ESRRG: variants seen among roughly 807,000 people sequenced by gnomAD.
ESRRG encodes the protein estrogen related receptor gamma.
In ESRRG, 13 loss-of-function variants were observed where a neutral mutation model predicts 44.0. That is an observed-to-expected ratio of 0.30 (90% CI 0.19 to 0.47). The LOEUF is 0.47. Among genes scored for constraint, ESRRG ranks in the 20% least tolerant of loss-of-function variants. ESRRG has a pLI of 1.00. For missense variants in ESRRG, 395 were observed against 580.6 expected (o/e 0.68, Z 3.29); for synonymous variants, 215 against 214.6 (o/e 1.00, Z -0.02).
At chr1:216,937,118 GA>G (rs199572679) in intron 2 of ESRRG, among the ~76,000 whole-genome samples, 46 of 141,034 alleles carry the variant, frequency 3.3e-4, no homozygotes, top group African/African-American at 1.0e-3. Flanking sequence ...AACAAAAAAA[GA>G]AAAAAAAAAC....
At chr1:216,824,200 A>G (rs900361767) in intron 2 of ESRRG, among the ~76,000 whole-genome samples, 3 of 152,124 alleles carry the variant, frequency 2.0e-5, no homozygotes, top group Admixed American at 2.0e-4. Flanking sequence ...TAATCCCAGC[A>G]CTTTGAGAGG....
intron 6 of ESRRG, among the ~76,000 whole-genome samples, chr1:216,514,901 C>T (rs577542054): frequency 1.5e-4 from 23 of 151,842 alleles, no homozygotes; most frequent in Admixed American, 2.0e-4. Context: ...TCCAGAATAT[C>T]AAATCAACTA....
chr1:216,545,434 C>T (rs72735184), intron 5 of ESRRG, among the ~76,000 whole-genome samples: 10,965 of 151,774 alleles, frequency 0.072, 580 homozygotes, highest in East Asian at 0.2. Flanking sequence ...CCAATGCATA[C>T]GTTCTAAAAA....
intron 1 of ESRRG, among the ~76,000 whole-genome samples, chr1:217,113,265 C>T (rs539309422): frequency 3.3e-5 from 5 of 152,176 alleles, no homozygotes; most frequent in Middle Eastern, 3.4e-3. Flanking sequence ...AGAGTAGTTC[C>T]AAGACAGTTA....
rs576789395 is a variant in ESRRG at position 217,057,981 on chromosome 1, A to G, written c.-106+31526T>C. On this transcript the variant is annotated intron_variant, in intron 1 of 7. Coordinates refer to the ESRRG transcript ENST00000359162. ...TGAACATAGGCAAAGAAAATTGAAC[A>G]TATGGATAACCAGAGATTATAAGTA... Among the ~76,000 whole-genome samples, 8 of 152,314 alleles carry G rather than the reference A, an allele frequency of 5.3e-5. No homozygotes were observed. In the South Asian group the frequency reaches 1.7e-3, roughly 32 times the overall value.
At chr1:216,989,931 G>A (rs1273050963) in intron 1 of ESRRG, among the ~76,000 whole-genome samples, 1 of 152,166 alleles carries the variant, frequency 6.6e-6, no homozygotes, top group Non-Finnish European at 1.5e-5. Flanking sequence ...AATGAACAGT[G>A]TGCATGGGGG....
chr1:217,054,325 A>G (rs2086672646), intron 1 of ESRRG, among the ~76,000 whole-genome samples: 2 of 152,178 alleles, frequency 1.3e-5, no homozygotes, highest in African/African-American at 4.8e-5. Context: ...GAAACCACAC[A>G]CTTCTCCAAG....
chr1:216,561,567 C>A (rs997302023), intron 5 of ESRRG, among the ~76,000 whole-genome samples: 27 of 152,226 alleles, frequency 1.8e-4, no homozygotes, highest in African/African-American at 6.3e-4. Context: ...GCCTTTACTT[C>A]CCTGTCTCTC....
chr1:216,866,241 A>G (rs1278947026), intron 2 of ESRRG, among the ~76,000 whole-genome samples: 1 of 152,200 alleles, frequency 6.6e-6, no homozygotes, highest in East Asian at 1.9e-4. Context: ...ACATACATAC[A>G]CACATTTTAT....
chr1:216,720,656 C>CT (rs2086050773), intron 1 of ESRRG, among the ~76,000 whole-genome samples: 1 of 151,846 alleles, frequency 6.6e-6, no homozygotes, highest in Non-Finnish European at 1.5e-5. Flanking sequence ...TTGGGATTGT[C>CT]TTGTTTTTTA....
intron 5 of ESRRG, among the ~76,000 whole-genome samples, chr1:216,525,604 G>A (rs1241444473): frequency 6.6e-6 from 1 of 152,102 alleles, no homozygotes; most frequent in Non-Finnish European, 1.5e-5. Flanking sequence ...CTGGAAAGCA[G>A]ACTGACTGAA....
At chr1:217,091,526 A>G (rs1473457649), upstream of ESRRG, among the ~76,000 whole-genome samples, 1 of 152,262 alleles carries the variant, frequency 6.6e-6, no homozygotes, top group Non-Finnish European at 1.5e-5. Context: ...GTAATTATGC[A>G]GAGACCAGAT....
chr1:216,540,851 T>C (rs1021890017), intron 5 of ESRRG, among the ~76,000 whole-genome samples: 4 of 152,076 alleles, frequency 2.6e-5, no homozygotes, highest in Non-Finnish European at 5.9e-5. Flanking sequence ...TATTTTTCAC[T>C]ACTTAAAATT....
chr1:216,747,667 G>T (rs576218418), intron 2 of ESRRG, among the ~76,000 whole-genome samples: 2 of 152,222 alleles, frequency 1.3e-5, no homozygotes, highest in African/African-American at 4.8e-5. Context: ...TATAATTCTG[G>T]TTCTGCTGTG....
intron 1 of ESRRG, among the ~76,000 whole-genome samples, chr1:217,130,089 A>C (rs1196125420): frequency 6.6e-6 from 1 of 152,234 alleles, no homozygotes; most frequent in Non-Finnish European, 1.5e-5. Context: ...AATGATTTTA[A>C]GGAGTGGAAT....
intron 2 of ESRRG, among the ~76,000 whole-genome samples, chr1:216,762,734 A>ATAAG (rs1307752640): frequency 6.6e-6 from 1 of 151,908 alleles, no homozygotes; most frequent in Non-Finnish European, 1.5e-5. Context: ...AAATAAATAA[A>ATAAG]AAGAATGAGC....
intron 3 of ESRRG, among the ~76,000 whole-genome samples, chr1:216,598,979 T>C (rs2058817821): frequency 2.0e-5 from 3 of 152,094 alleles, no homozygotes; most frequent in Admixed American, 2.0e-4. Context: ...TAAAATAATA[T>C]GTTATAAATT....
chr1:216,972,842 G>A (rs147785501), intron 1 of ESRRG, among the ~76,000 whole-genome samples: 85 of 152,290 alleles, frequency 5.6e-4, no homozygotes, highest in Non-Finnish European at 5.3e-4. Context: ...GTGCAGGTGC[G>A]TGTAAAAGTT....
intron 1 of ESRRG, among the ~76,000 whole-genome samples, chr1:217,073,162 T>A (rs1390776316): frequency 7.8e-6 from 1 of 128,548 alleles, no homozygotes; most frequent in African/African-American, 3.1e-5. Flanking sequence ...TCTCTAGAGA[T>A]CTCTGCTGGC....
Sources: allele counts gnomAD v4.1 joint callset (sites outside exome capture counted in the v4.1 genomes callset), GRCh38; gene constraint gnomAD v4.1.1; transcripts MANE v1.5; gene names NCBI Gene and HGNC (gene_info 2026-07-23, HGNC 2026-07-21).